LMNTD2: variants seen among roughly 807,000 people sequenced by gnomAD.
LMNTD2 encodes the protein lamin tail domain-containing protein 2.
In LMNTD2, 83 loss-of-function variants were observed where a neutral mutation model predicts 70.1. The observed-to-expected ratio is 1.18, with a 90% CI of 0.99 to 1.42. The LOEUF (loss-of-function observed/expected upper bound fraction) is 1.42, where lower values mean the gene tolerates loss of function less well. Ranked by LOEUF, LMNTD2 falls within the 40% of genes most tolerant of loss-of-function variation. The pLI is 0.00. For missense variants in LMNTD2, 1,153 were observed against 905.9 expected (o/e 1.27, Z -3.50); for synonymous variants, 534 against 406.1 (o/e 1.31, Z -3.79).
In LMNTD2 at chr11:557,053, G is replaced by C. The variant is rs1852935915; in HGVS notation, c.758C>G (p.Ser253Cys). Reference protein sequence around the residue: ...WPQLDTGSPESSGKHSERHHK... With the variant: ...WPQLDTGSPECSGKHSERHHK... The stretch of plus-strand genomic sequence containing the variant: ...ATGCCGCTCGGAATGCTTTCCAGAG[G>C]ACTCTGGGCTCCCTGTGTCCAGCTG... Residue 253 changes from serine to cysteine, a missense_variant, in exon 8 of 14, where the codon TCC becomes TGC. Physicochemically the swap from Ser to Cys is moderately radical, Grantham distance 112 (BLOSUM62 -1). Coordinates refer to ENST00000329451, the MANE Select transcript of LMNTD2 (RefSeq NM_173573.3). The C allele has an allele frequency of 6.2e-7, 1 of 1,608,134 alleles. No individual in the cohort carries two copies. Among genetic ancestry groups the C allele is most frequent in the Non-Finnish European group, 8.5e-7 (1 of 1,178,270 alleles).
chr11:557,456 C>T lies in LMNTD2; in HGVS notation c.656G>A (p.Ser219Asn). 6.2e-7 allele frequency: 1 copy of T among 1,610,064 alleles called. No individual in the cohort carries two copies. Among genetic ancestry groups the T allele is most frequent in the Non-Finnish European group, 8.5e-7 (1 of 1,178,284 alleles). Residue 219 changes from serine (S) to asparagine (N), a missense_variant, in exon 7 of 14, where the codon AGC (serine) becomes AAC (asparagine). Ser to Asn is a conservative substitution (Grantham distance 46). Coordinates refer to ENST00000329451, the MANE Select transcript of LMNTD2 (RefSeq NM_173573.3). The stretch of plus-strand genomic sequence containing the variant: ...GAGGTTGGGATACCGGCGGGCAACG[C>T]TGTTCCAATCCACGTCCTCCAGCCG... ...GFRLEDVDWN[S>N]VARRYPNLFT...
In LMNTD2 at chr11:558,090, G is replaced by A. The variant is rs1356741842; in HGVS notation, c.400-51C>T. 1.9e-6 allele frequency: 3 copies of A among 1,595,780 alleles called. No homozygotes were observed. The African/African-American group carries it at 4.0e-5, about 21-fold the overall frequency. On this transcript the variant is annotated intron_variant, in intron 4 of 13. Coordinates refer to ENST00000329451, the MANE Select transcript of LMNTD2 (RefSeq NM_173573.3). ...TGGTGGGGGGGTGTCTTCTGCAGAA[G>A]GCCCCCAGGCCAGCCCCAGCCTGGC...
At chr11:559,796 G>T in intron 1 of LMNTD2, 2 of 1,022,466 alleles carry the variant, frequency 2.0e-6, no homozygotes, top group South Asian at 6.7e-5. Context: ...GTCTTGCTCC[G>T]CTGTCCAGGC....
Position 555,449 on chromosome 11 carries a change from C to A in LMNTD2, c.1629G>T (p.Glu543Asp). Residue 543 changes from glutamate to aspartate, a missense_variant, in exon 13 of 14, where the codon GAG becomes GAT. Coordinates refer to ENST00000329451, the MANE Select transcript of LMNTD2 (RefSeq NM_173573.3). ...VSSGKLFHAREGPARPENPEI... is the reference protein window; with the variant it reads ...VSSGKLFHARDGPARPENPEI... ...CGGGGTTCTCGGGCCGCGCAGGCCC[C>A]TCCCGCGCGTGGAAGAGCTTCCCCG... The A allele has an allele frequency of 7.2e-7, 1 of 1,380,548 alleles. No individual in the cohort carries two copies. Among genetic ancestry groups the A allele is most frequent in the Non-Finnish European group, 9.3e-7 (1 of 1,073,318 alleles). 85.5% of individuals were successfully genotyped at this position (1,380,548 alleles called of 1,614,324 possible).
In LMNTD2 at chr11:558,257, G is replaced by C; in HGVS notation, c.312-9C>G. On this transcript the variant is annotated splice_polypyrimidine_tract_variant and intron_variant, in intron 3 of 13. Transcript: ENST00000329451. ...CCTGACTGTGGGAGCTCCTGGAGGA[G>C]GGGTGACCTCAGCAGCCCCCACCCT... is the stretch of plus-strand genomic sequence containing the variant. The C allele has an allele frequency of 6.2e-7, 1 of 1,613,020 alleles. No homozygotes were observed. Among genetic ancestry groups the C allele is most frequent in the South Asian group, 1.1e-5 (1 of 91,054 alleles).
rs1464405456 is a variant in LMNTD2, at chr11:558,963, A to ACTGAC, written c.46_50dup (p.Ser17ArgfsTer106). 2 of 1,602,002 alleles carry ACTGAC rather than the reference A, an allele frequency of 1.2e-6. No individual in the cohort carries two copies. Among genetic ancestry groups the ACTGAC allele is most frequent in the Admixed American group, 3.3e-5 (2 of 60,010 alleles). ...CGCCTGCTGGAGGTCCCAGGTGACC[A>ACTGAC]CTGACCGACTCTTGCTCTGTGGGGG... On this transcript the variant is annotated frameshift_variant, in exon 2 of 14. Transcript: ENST00000329451. LOFTEE classifies it high-confidence loss of function.
intron 3 of LMNTD2, 27 bp from the exon 4 acceptor site, chr11:558,275 C>T (rs774748772): frequency 4.4e-6 from 7 of 1,607,976 alleles, no homozygotes; most frequent in Admixed American, 3.4e-5. Flanking sequence ...CTCAGCAGCC[C>T]CCACCCTGCT....
chr11:555,603 A>C, intron 12 of LMNTD2, 100 bp from the exon 13 acceptor site: 2 of 1,250,728 alleles, frequency 1.6e-6, no homozygotes, highest in Non-Finnish European at 2.1e-6. Flanking sequence ...GGCGTACTGG[A>C]GGACCAGGGG....
chr11:559,091 T>G (rs751945463), intron 1 of LMNTD2, 112 bp from the exon 2 acceptor site: 2 of 1,531,090 alleles, frequency 1.3e-6, no homozygotes, highest in South Asian at 2.4e-5. Context: ...CCGTCTGCCG[T>G]GTGCGCCTCG....
At position 555,312 on chromosome 11, in the gene LMNTD2, C is replaced by G; in HGVS notation, c.1766G>C (p.Arg589Pro). 5 of 1,416,076 alleles carry G rather than the reference C, an allele frequency of 3.5e-6. No homozygotes were observed. The highest frequency in any genetic ancestry group is 4.6e-6 in the Non-Finnish European group (5 of 1,087,420). The allele number at this position is 1,416,076 out of a possible 1,614,324, so 87.7% of individuals were successfully genotyped here. A position where few individuals can be genotyped will look rare whatever the true frequency, so the allele number is the denominator to read the frequency against. The change falls in exon 13 of 14, where the codon CGA (arginine) becomes CCA (proline). Residue 589 changes from arginine to proline, a missense_variant. Transcript: ENST00000329451. The part of the protein sequence containing the change: ...LEDCRLQKEH[R>P]VRVCRKSVDR... Reference sequence around the variant, plus strand: ...CCGCAAGCGCGCACTCACCCGAACTCGGTGTTCTTTCTGGAGCCGACAGTC... The same window carrying G: ...CCGCAAGCGCGCACTCACCCGAACTGGGTGTTCTTTCTGGAGCCGACAGTC...
At position 555,513 on chromosome 11, in the gene LMNTD2, C is replaced by G; in HGVS notation, c.1575-10G>C. 1 of 1,355,640 alleles carries G rather than the reference C, an allele frequency of 7.4e-7. No individual in the cohort carries two copies. The highest frequency in any genetic ancestry group is 9.4e-7 in the Non-Finnish European group (1 of 1,060,422). 84.0% of individuals were successfully genotyped at this position (1,355,640 alleles called of 1,614,324 possible). ...CAGCAGGCCCCGCGTCCTGGTGGGG[C>G]GAGGGTCGTGAGGGCGGCGGCCGGC... On this transcript the variant is annotated splice_polypyrimidine_tract_variant and intron_variant, in intron 12 of 13. Transcript: ENST00000329451.
At chr11:556,411 C>T (rs777109471) in intron 9 of LMNTD2, 36 bp from the exon 10 acceptor site, 10 of 1,540,894 alleles carry the variant, frequency 6.5e-6, no homozygotes, top group South Asian at 3.6e-5. Flanking sequence ...GAGATGCGGC[C>T]GGTCCACCCG....
rs773366902 is a variant in LMNTD2 at position 558,992 on chromosome 11, G to A, written c.35-13C>T. On this transcript the variant is annotated splice_polypyrimidine_tract_variant and intron_variant, in intron 1 of 13. Coordinates refer to ENST00000329451, the MANE Select transcript of LMNTD2 (RefSeq NM_173573.3). Reference sequence around the variant, plus strand: ...ACCGACTCTTGCTCTGTGGGGGACAGGAGAGCCTCTTCCTCGGTTTCTTCA... The same window carrying A: ...ACCGACTCTTGCTCTGTGGGGGACAAGAGAGCCTCTTCCTCGGTTTCTTCA... 1 of 1,597,212 alleles carries A rather than the reference G, an allele frequency of 6.3e-7. No homozygotes were observed. The highest frequency in any genetic ancestry group is 8.5e-7 in the Non-Finnish European group (1 of 1,177,958).
intron 12 of LMNTD2, 49 bp from the exon 13 acceptor site, chr11:555,552 C>G: frequency 7.5e-7 from 1 of 1,327,826 alleles, no homozygotes. Flanking sequence ...GGAAAGGCGG[C>G]CCTAGAGGGC....
In LMNTD2 at chr11:555,282, C is replaced by T. The variant is rs1245797075; in HGVS notation, c.1773+23G>A. On this transcript the variant is annotated intron_variant, in intron 13 of 13. Coordinates refer to ENST00000329451, the MANE Select transcript of LMNTD2 (RefSeq NM_173573.3). ...GAGAACGAGGAGGGAGAGGAGGGGGCGCACCCGCAAGCGCGCACTCACCCG... is the reference window on the plus strand; with the variant it reads ...GAGAACGAGGAGGGAGAGGAGGGGGTGCACCCGCAAGCGCGCACTCACCCG... 4.4e-6 allele frequency: 6 copies of T among 1,366,540 alleles called. No homozygotes were observed. The Admixed American group carries it at 1.4e-4, about 32-fold the overall frequency. The allele number at this position is 1,366,540 out of a possible 1,614,324, so 84.7% of individuals were successfully genotyped here.
At chr11:559,641 A>G in intron 1 of LMNTD2, 2 of 1,180,728 alleles carry the variant, frequency 1.7e-6, no homozygotes, top group Non-Finnish European at 2.1e-6. Flanking sequence ...GCTGCCTGTG[A>G]GCCAGCCCAG....
In LMNTD2 at chr11:557,076, C is replaced by T; in HGVS notation, c.735G>A (p.Gln245=). 1 of 1,602,974 alleles carries T rather than the reference C, an allele frequency of 6.2e-7. No individual in the cohort carries two copies. The highest frequency in any genetic ancestry group is 8.5e-7 in the Non-Finnish European group (1 of 1,175,352). The change falls in exon 8 of 14, where the codon CAG becomes CAA. Residue 245 remains glutamine (Q), a synonymous_variant. Coordinates refer to ENST00000329451, the MANE Select transcript of LMNTD2 (RefSeq NM_173573.3). ...AGGACTCTGGGCTCCCTGTGTCCAG[C>T]TGTGGCCAGGGCCGGGGCTGCCTGT... ...SKQKQPRPWP[Q]LDTGSPESSG... is the part of the protein sequence containing the mutation.
At chr11:555,182 G>GGGAGGGGCGGGGAGGAGGGC (rs1564812868) in intron 13 of LMNTD2, 71 bp from the exon 14 acceptor site, 2 of 240,424 alleles carry the variant, frequency 8.3e-6, no homozygotes, top group Non-Finnish European at 1.3e-5. Context: ...GGGAGGAGAG[G>GGGAGGGGCGGGGAGGAGGGC]GGAGGGGCGG....
chr11:555,129 T>C lies in LMNTD2; in HGVS notation c.1774-18A>G. 2 of 1,081,134 alleles carry C rather than the reference T, an allele frequency of 1.8e-6. No individual in the cohort carries two copies. Among genetic ancestry groups the C allele is most frequent in the Non-Finnish European group, 2.3e-6 (2 of 863,212 alleles). 67.0% of individuals were successfully genotyped at this position (1,081,134 alleles called of 1,614,324 possible). ...CGGCACACCTGGGGGGCGCGGGGGCTGAGAGGCGCGCGGGGCGGGGCGGGG... is the reference window on the plus strand; with the variant it reads ...CGGCACACCTGGGGGGCGCGGGGGCCGAGAGGCGCGCGGGGCGGGGCGGGG... On this transcript the variant is annotated intron_variant, in intron 13 of 13. Coordinates refer to ENST00000329451, the MANE Select transcript of LMNTD2 (RefSeq NM_173573.3).
Sources: allele counts gnomAD v4.1 joint callset, GRCh38; gene constraint gnomAD v4.1.1; transcripts MANE v1.5; gene names NCBI Gene and HGNC (gene_info 2026-07-23, HGNC 2026-07-21).